CCDC85C: variants seen among roughly 807,000 people sequenced by gnomAD.
CCDC85C encodes the protein coiled-coil domain-containing protein 85C.
In CCDC85C, 18 loss-of-function variants were observed where a neutral mutation model predicts 38.3. The observed-to-expected ratio is 0.47, with a 90% CI of 0.33 to 0.70. The LOEUF (loss-of-function observed/expected upper bound fraction) is 0.70, where lower values mean the gene tolerates loss of function less well. Ranked by LOEUF, CCDC85C falls within the 30% of genes least tolerant of loss-of-function variation. The pLI is 0.03. For synonymous variants in CCDC85C, 264 were observed against 293.8 expected (o/e 0.90, Z 1.04); for missense variants, 566 against 621.2 (o/e 0.91, Z 0.94).
At chr14:99,553,525 C>T (rs997031652) in intron 1 of CCDC85C, among the ~76,000 whole-genome samples, 6 of 152,156 alleles carry the variant, frequency 3.9e-5, no homozygotes, top group African/African-American at 1.4e-4. Context: ...CCACCACGCC[C>T]GGCTAATTTT....
At chr14:99,568,728 A>C (rs1404017656) in intron 1 of CCDC85C, among the ~76,000 whole-genome samples, 1 of 152,220 alleles carries the variant, frequency 6.6e-6, no homozygotes, top group African/African-American at 2.4e-5. Context: ...CACAAATGTG[A>C]GGAGTACTTC....
intron 1 of CCDC85C, among the ~76,000 whole-genome samples, chr14:99,586,560 C>T (rs1017318404): frequency 1.2e-4 from 19 of 152,206 alleles, no homozygotes; most frequent in Non-Finnish European, 2.4e-4. Flanking sequence ...TTGGGGGCTC[C>T]GCTTCCCATC....
intron 1 of CCDC85C, among the ~76,000 whole-genome samples, chr14:99,574,675 CT>C (rs2139967284): frequency 6.6e-6 from 1 of 152,300 alleles, no homozygotes; most frequent in East Asian, 1.9e-4. Context: ...CATTAGCCTG[CT>C]GGGAAGGAGC....
At chr14:99,546,669 A>G (rs1038782657) in intron 1 of CCDC85C, among the ~76,000 whole-genome samples, 1 of 152,158 alleles carries the variant, frequency 6.6e-6, no homozygotes, top group Admixed American at 6.5e-5. Context: ...GAAAGATAAC[A>G]TAGCCACGTG....
chr14:99,532,549 G>T (rs1595346056), intron 2 of CCDC85C, among the ~76,000 whole-genome samples: 1 of 152,164 alleles, frequency 6.6e-6, no homozygotes, highest in South Asian at 2.1e-4. Context: ...GCAAACACAG[G>T]TCTGGGAGAG....
chr14:99,546,232 G>A (rs1197374365), intron 1 of CCDC85C, among the ~76,000 whole-genome samples: 3 of 151,930 alleles, frequency 2.0e-5, no homozygotes, highest in African/African-American at 4.8e-5. Flanking sequence ...AGAGCTGGGG[G>A]GCCGGGATGA....
Position 99,572,063 on chromosome 14 carries a change from G to T in CCDC85C, c.793+31104C>A, listed in dbSNP as rs1200041112. 6.6e-6 allele frequency among the ~76,000 whole-genome samples: 1 copy of T among 152,166 alleles called. No individual in the cohort carries two copies. The highest frequency in any genetic ancestry group is 1.5e-5 in the Non-Finnish European group (1 of 68,026). The stretch of plus-strand genomic sequence containing the variant: ...GGGGCATCTCAGAGCGTGATCCCCA[G>T]AGCCCCCAACCCTAACCCAGCACCC... On this transcript the variant is annotated intron_variant, in intron 1 of 5. Coordinates refer to ENST00000380243, the MANE Select transcript of CCDC85C (RefSeq NM_001144995.2). This position sits in a 1 kb window ranked among gnomAD's most constrained non-coding sequence, Gnocchi z 4.4.
At chr14:99,546,429 C>A (rs557646055) in intron 1 of CCDC85C, among the ~76,000 whole-genome samples, 1 of 151,910 alleles carries the variant, frequency 6.6e-6, no homozygotes, top group Admixed American at 6.6e-5. Context: ...ACTGGGAGAG[C>A]GGCTCAGGGA....
chr14:99,603,811 C>G lies in CCDC85C; in HGVS notation c.149G>C (p.Gly50Ala). ...CCGGTTCACGTCGCGCATCAGGCCG[C>G]CGTGCTCCAGCATGAGGCCCACCTT... is the stretch of plus-strand genomic sequence containing the variant. ...GEKVGLMLEH[G>A]GLMRDVNRRL... The change falls in exon 1 of 6, where the codon GGC (glycine) becomes GCC (alanine). Residue 50 changes from glycine (G) to alanine (A), a missense_variant. Gly to Ala is a moderately conservative substitution (Grantham distance 60). This residue lies in a region of CCDC85C where 269 missense variants were observed against 308.2 expected (regional missense o/e 0.87). Transcript: ENST00000380243. This position sits in a 1 kb window ranked among gnomAD's most constrained non-coding sequence, Gnocchi z 7.5. The G allele has an allele frequency of 6.6e-7, 1 of 1,525,204 alleles. No individual in the cohort carries two copies. Among genetic ancestry groups the G allele is most frequent in the South Asian group, 1.2e-5 (1 of 82,348 alleles). The allele number at this position is 1,525,204 out of a possible 1,614,324, so 94.5% of individuals were successfully genotyped here.
In CCDC85C at chr14:99,508,652, G is replaced by T; in HGVS notation, c.*6594C>A. 1 of 152,786 alleles carries T rather than the reference G, an allele frequency of 6.5e-6. No homozygotes were observed. 9.5% of individuals were successfully genotyped at this position (152,786 alleles called of 1,614,324 possible). On this transcript the variant is annotated 3_prime_UTR_variant, in exon 6 of 6. Transcript: ENST00000380243. ...AGCAGTGATGTTTAGGGAGCAGTTT[G>T]GTGGCAGTGTGTGGGACTTGGTCAG...
intron 1 of CCDC85C, among the ~76,000 whole-genome samples, chr14:99,547,008 C>CT (rs1056391904): frequency 3.0e-4 from 45 of 151,360 alleles, no homozygotes; most frequent in Middle Eastern, 3.4e-3. Context: ...ATTGTGATTT[C>CT]TTTTTTTTTA....
At chr14:99,521,025 C>T (rs1389698124) in intron 3 of CCDC85C, among the ~76,000 whole-genome samples, 7 of 152,234 alleles carry the variant, frequency 4.6e-5, no homozygotes, top group African/African-American at 1.7e-4. Flanking sequence ...CATGTGAGAG[C>T]TGTGCTTGCA....
intron 2 of CCDC85C, among the ~76,000 whole-genome samples, chr14:99,527,618 G>GC (rs1897411260): frequency 6.6e-6 from 1 of 152,174 alleles, no homozygotes; most frequent in Non-Finnish European, 1.5e-5. Flanking sequence ...TCTGGCTGCA[G>GC]CCCAGGGTGC....
At chr14:99,571,686 C>G (rs1304866194) in intron 1 of CCDC85C, among the ~76,000 whole-genome samples, 2 of 152,336 alleles carry the variant, frequency 1.3e-5, no homozygotes, top group Middle Eastern at 3.4e-3. Context: ...GCCAGCAACT[C>G]CTTAGAGAAA....
At chr14:99,552,542 T>C (rs12884667) in intron 1 of CCDC85C, among the ~76,000 whole-genome samples, 80,760 of 152,042 alleles carry the variant, frequency 0.53, 21,646 homozygotes, top group African/African-American at 0.58. Context: ...TCTAGACCTC[T>C]CAAAGGGAAG....
Position 99,544,062 on chromosome 14 carries a change from C to T in CCDC85C, c.794-7974G>A, listed in dbSNP as rs112166986. Among the ~76,000 whole-genome samples, 2,890 of 152,262 alleles carry T rather than the reference C, an allele frequency of 0.019. 98 individuals are homozygous for T. Among genetic ancestry groups the T allele is most frequent in the African/African-American group, 0.067 (2,766 of 41,542 alleles). ...TTCCCATTCGCACACACACAGTTTGCTGAGTACCCACCATATGCCAGCACA... is the reference window on the plus strand; with the variant it reads ...TTCCCATTCGCACACACACAGTTTGTTGAGTACCCACCATATGCCAGCACA... On this transcript the variant is annotated intron_variant, in intron 1 of 5. Transcript: ENST00000380243. The surrounding 1 kb of genome is among the most constrained non-coding windows in gnomAD (Gnocchi z 5.3).
chr14:99,599,108 A>G (rs1377511494), intron 1 of CCDC85C, among the ~76,000 whole-genome samples: 1 of 152,196 alleles, frequency 6.6e-6, no homozygotes, highest in Non-Finnish European at 1.5e-5. Context: ...GCTGCTGCAC[A>G]GAAAAGACCT....
intron 1 of CCDC85C, among the ~76,000 whole-genome samples, chr14:99,592,254 C>A (rs907309752): frequency 1.3e-4 from 20 of 152,286 alleles, no homozygotes; most frequent in Non-Finnish European, 2.9e-4. Flanking sequence ...CTAGTGGACA[C>A]CACTCGGGGT....
chr14:99,549,466 A>G (rs895173013), intron 1 of CCDC85C, among the ~76,000 whole-genome samples: 6 of 152,158 alleles, frequency 3.9e-5, no homozygotes, highest in African/African-American at 1.4e-4. Flanking sequence ...GTAGGAAGCC[A>G]CCCACCAGCA....
Sources: gnomAD v4.1 joint callset for allele counts (sites outside exome capture counted in the v4.1 genomes callset) on GRCh38, gnomAD v4.1.1 for gene constraint, gnomAD v4.1.1 regional missense constraint, Gnocchi (gnomAD v3.1) non-coding constraint, MANE v1.5 for transcripts, NCBI Gene and HGNC (gene_info 2026-07-23, HGNC 2026-07-21) for gene names.